Variants in PRKCI observed in about 807,000 individuals in gnomAD.
The protein encoded by PRKCI is protein kinase C iota.
Under a neutral mutation model 84.0 loss-of-function variants are expected in PRKCI, and 43 were observed. The ratio of observed to expected loss-of-function variants is 0.51; its 90% CI spans 0.40 to 0.66. The LOEUF (loss-of-function observed/expected upper bound fraction) is 0.66, where lower values mean the gene tolerates loss of function less well. PRKCI is among the 30% of genes least tolerant of loss of function. PRKCI has a pLI of 0.00. For synonymous variants in PRKCI, 216 were observed against 234.4 expected, an observed-to-expected ratio of 0.92 and a Z score of 0.72; for missense variants, 459 against 745.6, an observed-to-expected ratio of 0.62 and a Z score of 4.48.
intron 4 of PRKCI, among the ~76,000 whole-genome samples, chr3:170,265,176 G>A (rs911184021): frequency 5.3e-5 from 8 of 150,438 alleles, no homozygotes; most frequent in Non-Finnish European, 7.4e-5. Flanking sequence ...ACAACAGAGC[G>A]AGACTCTGTC....
At chr3:170,280,667 T>C (rs1014151973) in intron 9 of PRKCI, among the ~76,000 whole-genome samples, 2 of 152,192 alleles carry the variant, frequency 1.3e-5, no homozygotes, top group Non-Finnish European at 2.9e-5. Context: ...CAGGCTGCTC[T>C]TGAACTCCTG....
intron 1 of PRKCI, among the ~76,000 whole-genome samples, chr3:170,224,455 C>CT (rs913163340): frequency 4.1e-4 from 58 of 142,046 alleles, no homozygotes; most frequent in South Asian, 6.8e-4. Context: ...GCTTCCTTTG[C>CT]TTTTTTTTTT....
chr3:170,225,182 T>A (rs1350555583), intron 1 of PRKCI, among the ~76,000 whole-genome samples: 2 of 152,260 alleles, frequency 1.3e-5, no homozygotes, highest in Non-Finnish European at 2.9e-5. Context: ...GCCCATTGTA[T>A]ACTGGTCTTT....
chr3:170,263,399 C>T lies in PRKCI; in HGVS notation c.334C>T (p.Arg112Cys), dbSNP rs368704903. ...LIHVFPCVPERPGMPCPGEDK... is the reference protein window; with the variant it reads ...LIHVFPCVPECPGMPCPGEDK... ...TTCAGTGTTCCCTTGTGTACCAGAACGTCCTGGGATGCCTTGTCCAGGAGA... is the reference window on the plus strand; with the variant it reads ...TTCAGTGTTCCCTTGTGTACCAGAATGTCCTGGGATGCCTTGTCCAGGAGA... The change falls in exon 4 of 18, where the codon CGT becomes TGT. Residue 112 changes from arginine to cysteine, a missense_variant. By Grantham distance (180) the Arg-to-Cys change is radical. Transcript: ENST00000295797. 2.4e-5 allele frequency: 38 copies of T among 1,603,358 alleles called. No homozygotes were observed. Among genetic ancestry groups the T allele is most frequent in the African/African-American group, 4.0e-5 (3 of 74,638 alleles).
intron 17 of PRKCI, among the ~76,000 whole-genome samples, chr3:170,301,782 A>G (rs1461743654): frequency 6.6e-6 from 1 of 152,068 alleles, no homozygotes. Context: ...TTTGCAACCT[A>G]TTCTGTATGC....
chr3:170,272,692 C>T (rs1007033789), intron 6 of PRKCI, among the ~76,000 whole-genome samples: 1 of 152,124 alleles, frequency 6.6e-6, no homozygotes, highest in Non-Finnish European at 1.5e-5. Flanking sequence ...TTTACTTTTT[C>T]CTGCTGGTAT....
chr3:170,236,185 T>C (rs1732971678), intron 2 of PRKCI, among the ~76,000 whole-genome samples: 1 of 151,650 alleles, frequency 6.6e-6, no homozygotes. Flanking sequence ...CACTGTAACC[T>C]CCGCCTCCAA....
intron 6 of PRKCI, among the ~76,000 whole-genome samples, chr3:170,270,922 G>A (rs983897370): frequency 1.3e-5 from 2 of 151,934 alleles, no homozygotes; most frequent in Non-Finnish European, 2.9e-5. Context: ...CAGATATCAG[G>A]TAAGAAGAGT....
chr3:170,281,826 A>G (rs747934478), intron 10 of PRKCI, 56 bp from the exon 11 acceptor site: 3 of 1,521,426 alleles, frequency 2.0e-6, no homozygotes, highest in Non-Finnish European at 2.6e-6. Context: ...TGAAAATGCA[A>G]AGTTACACTA....
At chr3:170,283,893 G>GAGTT (rs1391578310) in intron 11 of PRKCI, among the ~76,000 whole-genome samples, 2 of 152,172 alleles carry the variant, frequency 1.3e-5, no homozygotes, top group Non-Finnish European at 2.9e-5. Flanking sequence ...TGTCACCAGT[G>GAGTT]AGTTGGTAGC....
At chr3:170,281,992 G>C in intron 11 of PRKCI, 24 bp downstream of exon 11, 1 of 1,604,284 alleles carries the variant, frequency 6.2e-7, no homozygotes, top group Non-Finnish European at 8.5e-7. Context: ...TACTGTTTGT[G>C]TTGTTTTCTT....
At chr3:170,260,117 T>C in intron 3 of PRKCI, 59 bp downstream of exon 3, 1 of 1,100,234 alleles carries the variant, frequency 9.1e-7, no homozygotes, top group East Asian at 2.5e-5. Context: ...AATCACTCTT[T>C]ATTCTTCACC....
At chr3:170,241,280 A>G (rs979778134) in intron 2 of PRKCI, among the ~76,000 whole-genome samples, 4 of 152,222 alleles carry the variant, frequency 2.6e-5, no homozygotes, top group Non-Finnish European at 4.4e-5. Flanking sequence ...ATAGATCACC[A>G]GAACTTACTA....
chr3:170,295,804 C>A, intron 14 of PRKCI, 107 bp from the exon 15 acceptor site: 1 of 522,376 alleles, frequency 1.9e-6, no homozygotes, highest in Non-Finnish European at 3.1e-6. Context: ...GTGATTGCAT[C>A]ACTGCACTCC....
At chr3:170,252,767 T>A (rs1241926891) in intron 2 of PRKCI, among the ~76,000 whole-genome samples, 2 of 152,094 alleles carry the variant, frequency 1.3e-5, no homozygotes, top group Non-Finnish European at 2.9e-5. Context: ...TTTTTTAAAA[T>A]TTTTTGTAGA....
chr3:170,292,030 T>C (rs1734565268), intron 13 of PRKCI, 89 bp downstream of exon 13: 1 of 879,072 alleles, frequency 1.1e-6, no homozygotes, highest in Admixed American at 2.0e-5. Context: ...ACTAATGCAT[T>C]TTGACGTGAT....
intron 8 of PRKCI, chr3:170,280,022 TC>T (rs1734205818): frequency 2.5e-6 from 1 of 402,444 alleles, no homozygotes; most frequent in East Asian, 4.0e-5. Flanking sequence ...CTTATTACCA[TC>T]CCTCTTATCT....
intron 13 of PRKCI, among the ~76,000 whole-genome samples, chr3:170,292,968 G>A (rs1271668688): frequency 2.7e-5 from 4 of 150,694 alleles, no homozygotes; most frequent in African/African-American, 7.3e-5. Context: ...GTGAACCCGG[G>A]AGGTGGAGCT....
intron 1 of PRKCI, among the ~76,000 whole-genome samples, chr3:170,231,624 C>A (rs1306842120): frequency 6.6e-6 from 1 of 152,026 alleles, no homozygotes; most frequent in Admixed American, 6.6e-5. Flanking sequence ...ACCACCACAC[C>A]TGGCTAATTT....
Sources: gnomAD v4.1 joint callset for allele counts (sites outside exome capture counted in the v4.1 genomes callset) on GRCh38, gnomAD v4.1.1 for gene constraint, MANE v1.5 for transcripts, NCBI Gene and HGNC (gene_info 2026-07-23, HGNC 2026-07-21) for gene names.